Variants in SIN3A observed in about 807,000 individuals in gnomAD.
The protein encoded by SIN3A is SIN3 transcription regulator family member A, also known as paired amphipathic helix protein Sin3a.
In SIN3A, 14 loss-of-function variants were observed where a neutral mutation model predicts 146.1. The ratio of observed to expected loss-of-function variants is 0.10; its 90% CI spans 0.06 to 0.15. The LOEUF (loss-of-function observed/expected upper bound fraction) is 0.15. Among genes scored for constraint, SIN3A ranks in the 10% least tolerant of loss-of-function variants. The probability of loss-of-function intolerance (pLI) is 1.00; values close to 1 mark genes in which losing one functional copy is unlikely to be tolerated. For missense variants in SIN3A, 1,028 were observed against 1,576.0 expected, an observed-to-expected ratio of 0.65 and a Z score of 5.89; for synonymous variants, 572 against 572.0, an observed-to-expected ratio of 1.00 and a Z score of 0.00.
intron 9 of SIN3A, among the ~76,000 whole-genome samples, chr15:75,404,113 C>A (rs1356892764): frequency 6.6e-6 from 1 of 152,216 alleles, no homozygotes; most frequent in African/African-American, 2.4e-5. Context: ...GTGAAGACCA[C>A]AGACTGCCAC....
chr15:75,443,234 G>T (rs1263374068), intron 1 of SIN3A, among the ~76,000 whole-genome samples: 1 of 152,158 alleles, frequency 6.6e-6, no homozygotes, highest in Non-Finnish European at 1.5e-5. Context: ...TCTGTAGTCA[G>T]TTTTCTTCTC....
At chr15:75,443,573 C>G (rs1196259152) in intron 1 of SIN3A, 1 of 152,124 alleles carries the variant, frequency 6.6e-6, no homozygotes, top group Admixed American at 6.6e-5. Flanking sequence ...CAAAAATTAG[C>G]CAGGTGTGGT....
At chr15:75,422,440 A>C (rs888342952) in intron 3 of SIN3A, 8 of 637,184 alleles carry the variant, frequency 1.3e-5, no homozygotes, top group Non-Finnish European at 2.2e-5. Context: ...TACAGTCCAC[A>C]AACATTTGAG....
chr15:75,374,497 C>T (rs2072816788), intron 20 of SIN3A, among the ~76,000 whole-genome samples: 1 of 152,240 alleles, frequency 6.6e-6, no homozygotes, highest in Admixed American at 6.5e-5. Flanking sequence ...TGAGTGGTCT[C>T]TGCTCTTCCA....
At chr15:75,382,486 G>A (rs1342808372) in intron 17 of SIN3A, among the ~76,000 whole-genome samples, 2 of 152,140 alleles carry the variant, frequency 1.3e-5, no homozygotes, top group Non-Finnish European at 2.9e-5. Flanking sequence ...CGTCTAGGAT[G>A]TTTCCAACTA....
At chr15:75,429,643 T>A (rs1316849298) in intron 2 of SIN3A, among the ~76,000 whole-genome samples, 3 of 152,272 alleles carry the variant, frequency 2.0e-5, no homozygotes, top group African/African-American at 7.2e-5. Context: ...TGCCACTGAG[T>A]GCACTAAGAC....
intron 1 of SIN3A, among the ~76,000 whole-genome samples, chr15:75,450,920 G>A (rs1180055022): frequency 1.3e-5 from 2 of 152,168 alleles, no homozygotes; most frequent in Admixed American, 1.3e-4. Context: ...TCACGGATCA[G>A]TACGGCCCCT....
intron 1 of SIN3A, among the ~76,000 whole-genome samples, chr15:75,438,635 G>A (rs1008487751): frequency 2.6e-5 from 4 of 151,994 alleles, no homozygotes; most frequent in African/African-American, 9.7e-5. Context: ...GCTACAGTGA[G>A]CTGTGATTAT....
intron 19 of SIN3A, among the ~76,000 whole-genome samples, chr15:75,377,423 G>T (rs950587500): frequency 6.6e-6 from 1 of 152,042 alleles, no homozygotes; most frequent in Non-Finnish European, 1.5e-5. Context: ...TCAGGAGTTT[G>T]AGACTAGCCT....
chr15:75,382,311 C>G (rs2072987277), intron 17 of SIN3A, among the ~76,000 whole-genome samples: 1 of 152,190 alleles, frequency 6.6e-6, no homozygotes, highest in Non-Finnish European at 1.5e-5. Flanking sequence ...AGCTTACAAC[C>G]TGACAATAAC....
At chr15:75,441,156 A>G (rs1228744055) in intron 1 of SIN3A, among the ~76,000 whole-genome samples, 1 of 151,852 alleles carries the variant, frequency 6.6e-6, no homozygotes, top group Non-Finnish European at 1.5e-5. Flanking sequence ...AAAAATACAA[A>G]AAAATTAGCC....
At chr15:75,372,736 G>A (rs1034354947) in intron 20 of SIN3A, among the ~76,000 whole-genome samples, 57 of 148,906 alleles carry the variant, frequency 3.8e-4, no homozygotes, top group Non-Finnish European at 7.8e-4. Context: ...TGGGAGGATC[G>A]CTTGAGCCAG....
Position 75,392,615 on chromosome 15 carries a change from G to C in SIN3A, c.2478C>G (p.Ala826=). The change falls in exon 15 of 21, where the codon GCC becomes GCG. Residue 826 remains alanine (A), a synonymous_variant. Coordinates refer to ENST00000394947, the MANE Select transcript of SIN3A (RefSeq NM_001145358.2). The part of the protein sequence containing the change: ...MHHFIPDLLF[A]QRGDLSDVEE... ...CCACATCTGAGAGATCACCTCTTTG[G>C]GCAAAGAGCAAATCTGGAATAAAAT... The C allele has an allele frequency of 6.2e-7, 1 of 1,613,966 alleles. No homozygotes were observed. The highest frequency in any genetic ancestry group is 8.5e-7 in the Non-Finnish European group (1 of 1,180,008).
intron 1 of SIN3A, chr15:75,446,230 T>C (rs1045513712): frequency 6.6e-6 from 1 of 151,766 alleles, no homozygotes; most frequent in African/African-American, 2.4e-5. Flanking sequence ...AGATAATACC[T>C]ACTGATAAGG....
chr15:75,391,350 T>C (rs779880595), intron 15 of SIN3A, among the ~76,000 whole-genome samples: 10 of 152,158 alleles, frequency 6.6e-5, no homozygotes, highest in Non-Finnish European at 1.0e-4. Flanking sequence ...TCTACCCAAG[T>C]AGATGGAATC....
chr15:75,433,901 T>C (rs1052987447), intron 1 of SIN3A, among the ~76,000 whole-genome samples: 1 of 152,358 alleles, frequency 6.6e-6, no homozygotes, highest in South Asian at 2.1e-4. Context: ...GCTCTAATCA[T>C]ACCTCCTGGT....
intron 12 of SIN3A, among the ~76,000 whole-genome samples, 158 bp downstream of exon 12, chr15:75,399,882 C>T (rs1157622949): frequency 6.6e-6 from 1 of 152,192 alleles, no homozygotes; most frequent in Admixed American, 6.5e-5. Context: ...ATACATTTGA[C>T]CAATGCATAA....
chr15:75,452,222 A>C (rs56318551), upstream of SIN3A, among the ~76,000 whole-genome samples: 1,274 of 152,260 alleles, frequency 8.4e-3, 23 homozygotes, highest in African/African-American at 0.029. Context: ...CGCTGGTAGG[A>C]CCCTCCATTG....
intron 16 of SIN3A, among the ~76,000 whole-genome samples, chr15:75,386,198 T>C (rs1191886100): frequency 6.6e-6 from 1 of 152,198 alleles, no homozygotes; most frequent in Non-Finnish European, 1.5e-5. Context: ...GCTAACTTTT[T>C]TGTATTTTCA....
Sources: allele counts gnomAD v4.1 joint callset (sites outside exome capture counted in the v4.1 genomes callset), GRCh38; gene constraint gnomAD v4.1.1; transcripts MANE v1.5; gene names NCBI Gene and HGNC (gene_info 2026-07-23, HGNC 2026-07-21).